Variants in TPGS2 observed in about 807,000 individuals in gnomAD.
The protein encoded by TPGS2 is tubulin polyglutamylase complex subunit 2.
A neutral mutation model predicts 31.1 loss-of-function variants in TPGS2; 26 were observed. That is an observed-to-expected ratio of 0.84 (90% CI 0.61 to 1.16). The LOEUF (loss-of-function observed/expected upper bound fraction) is 1.16, where lower values mean the gene tolerates loss of function less well. TPGS2 is among the 50% of genes most tolerant of loss of function. The pLI, the probability that TPGS2 is intolerant of heterozygous loss-of-function variation, is 0.00. For synonymous variants in TPGS2, 130 were observed against 136.6 expected (o/e 0.95, Z 0.34); for missense variants, 351 against 363.8 (o/e 0.96, Z 0.29).
intron 2 of TPGS2, among the ~76,000 whole-genome samples, chr18:36,816,312 A>T (rs1011460508): frequency 1.6e-4 from 24 of 152,194 alleles, no homozygotes; most frequent in African/African-American, 5.5e-4. Context: ...TTAGATCCCA[A>T]GAGATCCCCT....
chr18:36,803,261 T>G (rs2044928861), intron 4 of TPGS2, among the ~76,000 whole-genome samples: 1 of 152,190 alleles, frequency 6.6e-6, no homozygotes, highest in Non-Finnish European at 1.5e-5. Flanking sequence ...TTGACCAACG[T>G]TTCCCCTTTC....
At chr18:36,784,592 T>G (rs2044087839) in intron 6 of TPGS2, among the ~76,000 whole-genome samples, 1 of 152,216 alleles carries the variant, frequency 6.6e-6, no homozygotes, top group Non-Finnish European at 1.5e-5. Context: ...CTAGACAATT[T>G]GTGGAGGGAA....
At position 36,796,750 on chromosome 18, in the gene TPGS2, T is replaced by C. The variant is rs2044544499; in HGVS notation, c.*55A>G. 1 of 1,565,442 alleles carries C rather than the reference T, an allele frequency of 6.4e-7. No homozygotes were observed. The highest frequency in any genetic ancestry group is 1.4e-5 in the African/African-American group (1 of 72,234). ...AAACTGGAGGTCACCCCTAGGGCCA[T>C]CTGTGCATGGAAACCACCACTCTGG... On this transcript the variant is annotated 3_prime_UTR_variant, in exon 7 of 7. Transcript: ENST00000334295.
intron 2 of TPGS2, among the ~76,000 whole-genome samples, chr18:36,814,809 T>C (rs572380043): frequency 2.0e-5 from 3 of 152,244 alleles, no homozygotes; most frequent in Non-Finnish European, 4.4e-5. Flanking sequence ...CCTTATGTCT[T>C]GTACCATACA....
chr18:36,827,851 C>T (rs2046243358), intron 1 of TPGS2, among the ~76,000 whole-genome samples: 1 of 152,150 alleles, frequency 6.6e-6, no homozygotes, highest in Non-Finnish European at 1.5e-5. Flanking sequence ...TTATTTTTTT[C>T]ACAGAACTGT....
At chr18:36,782,794 G>A (rs1285258894), downstream of TPGS2, among the ~76,000 whole-genome samples, 5 of 152,306 alleles carry the variant, frequency 3.3e-5, no homozygotes, top group East Asian at 1.9e-4. Flanking sequence ...GCCAGGAGGC[G>A]GCAGCAATTG....
At chr18:36,817,895 C>T (rs1255415853) in intron 2 of TPGS2, 1 of 152,214 alleles carries the variant, frequency 6.6e-6, no homozygotes, top group Non-Finnish European at 1.5e-5. Context: ...CCACTTGCCC[C>T]AGTCAAATCC....
downstream of TPGS2, among the ~76,000 whole-genome samples, chr18:36,792,614 T>C (rs150683282): frequency 6.6e-6 from 1 of 152,324 alleles, no homozygotes; most frequent in Admixed American, 6.5e-5. Flanking sequence ...ACCACTTCAG[T>C]TGATTAAAAA....
intron 6 of TPGS2, among the ~76,000 whole-genome samples, 190 bp from the exon 7 acceptor site, chr18:36,797,240 T>C (rs569394262): frequency 6.6e-5 from 10 of 152,288 alleles, no homozygotes; most frequent in South Asian, 6.2e-4. Flanking sequence ...TCTGGTAAGA[T>C]AGACACATTG....
intron 1 of TPGS2, among the ~76,000 whole-genome samples, chr18:36,828,421 C>T (rs976306692): frequency 4.6e-5 from 7 of 152,194 alleles, no homozygotes; most frequent in Admixed American, 6.5e-5. Flanking sequence ...TCTGCCCGTC[C>T]TTCCTGGGTG....
At chr18:36,816,843 G>A (rs1317302099) in intron 2 of TPGS2, among the ~76,000 whole-genome samples, 4 of 152,270 alleles carry the variant, frequency 2.6e-5, no homozygotes, top group African/African-American at 9.6e-5. Flanking sequence ...TCCTGACCTC[G>A]TGATCTGCCT....
intron 1 of TPGS2, among the ~76,000 whole-genome samples, chr18:36,827,942 CACGCCTGTAATTCCAGCACTT>C (rs2046250477): frequency 6.6e-6 from 1 of 152,148 alleles, no homozygotes. Flanking sequence ...CGCGGTGGCT[CACGCCTGTAATTCCAGCACTT>C]TGGGAGGTCG....
In TPGS2 at chr18:36,794,746, T is replaced by TATAA. The variant is rs1187969497; in HGVS notation, c.*2055_*2058dup. The stretch of plus-strand genomic sequence containing the variant: ...GCCACTCCATGAATTGTTGCACATT[T>TATAA]ATAAATCCTTGAAGTATAATAACCT... On this transcript the variant is annotated 3_prime_UTR_variant, in exon 7 of 7. Coordinates refer to ENST00000334295, the MANE Select transcript of TPGS2 (RefSeq NM_015476.4). 6 of 985,278 alleles carry TATAA rather than the reference T, an allele frequency of 6.1e-6. No individual in the cohort carries two copies. Among genetic ancestry groups the TATAA allele is most frequent in the East Asian group, 2.3e-4 (2 of 8,798 alleles). The allele number at this position is 985,278 out of a possible 1,614,324, so 61.0% of individuals were successfully genotyped here.
intron 6 of TPGS2, 126 bp from the exon 7 acceptor site, chr18:36,797,176 TA>T: frequency 6.6e-7 from 1 of 1,521,382 alleles, no homozygotes; most frequent in African/African-American, 1.4e-5. Flanking sequence ...AAAAACTGCC[TA>T]AAAATCTATT....
intron 6 of TPGS2, chr18:36,786,835 C>T (rs2044142812): frequency 8.1e-7 from 1 of 1,234,282 alleles, no homozygotes; most frequent in Non-Finnish European, 1.0e-6. Context: ...GAAGCAACAC[C>T]TAACAGTGAA....
intron 2 of TPGS2, among the ~76,000 whole-genome samples, chr18:36,818,143 C>G (rs1187964125): frequency 6.6e-6 from 1 of 152,136 alleles, no homozygotes; most frequent in Non-Finnish European, 1.5e-5. Context: ...TTCATAGAGG[C>G]TGAAAGTCCC....
chr18:36,805,612 G>T, intron 3 of TPGS2, 110 bp from the exon 4 acceptor site: 2 of 1,429,002 alleles, frequency 1.4e-6, no homozygotes, highest in Non-Finnish European at 1.9e-6. Flanking sequence ...TCGCCCCATG[G>T]CTGACGAATC....
At position 36,795,382 on chromosome 18, in the gene TPGS2, C is replaced by T; in HGVS notation, c.*1423G>A. ...ATGAGCCAGCTGGGACTGAAGTGTGCAGATGGTAGAGGCCCCTGCACCTCA... is the reference window on the plus strand; with the variant it reads ...ATGAGCCAGCTGGGACTGAAGTGTGTAGATGGTAGAGGCCCCTGCACCTCA... On this transcript the variant is annotated 3_prime_UTR_variant, in exon 7 of 7. Transcript: ENST00000334295. The T allele has an allele frequency of 1.0e-6, 1 of 985,414 alleles. No homozygotes were observed. Among genetic ancestry groups the T allele is most frequent in the Non-Finnish European group, 1.2e-6 (1 of 829,942 alleles). The allele number at this position is 985,414 out of a possible 1,614,324, so 61.0% of individuals were successfully genotyped here.
chr18:36,786,854 C>T (rs566676115), intron 6 of TPGS2: 47 of 1,234,324 alleles, frequency 3.8e-5, no homozygotes, highest in African/African-American at 4.6e-5. Context: ...AAAAATAGCA[C>T]ATTCTTGCCA....
Sources: gnomAD v4.1 joint callset for allele counts (sites outside exome capture counted in the v4.1 genomes callset) on GRCh38, gnomAD v4.1.1 for gene constraint, MANE v1.5 for transcripts, NCBI Gene and HGNC (gene_info 2026-07-23, HGNC 2026-07-21) for gene names.